Variants in KCNMB3 observed in about 807,000 individuals in gnomAD.
KCNMB3 encodes potassium calcium-activated channel subfamily M regulatory beta subunit 3.
In KCNMB3, 18 loss-of-function variants were observed where a neutral mutation model predicts 11.9. The observed-to-expected ratio is 1.51, with a 90% CI of 1.04 to 2.23. The LOEUF (loss-of-function observed/expected upper bound fraction) is 2.23. Ranked by LOEUF, KCNMB3 falls within the 30% of genes most tolerant of loss-of-function variation. The pLI is 0.00. For missense variants in KCNMB3, 247 were observed against 329.4 expected, an observed-to-expected ratio of 0.75 and a Z score of 1.94; for synonymous variants, 78 against 119.2, an observed-to-expected ratio of 0.65 and a Z score of 2.25.
At chr3:179,261,369 C>T in intron 1 of KCNMB3, 1 of 1,132,042 alleles carries the variant, frequency 8.8e-7, no homozygotes, top group Non-Finnish European at 1.1e-6. Context: ...CGCGCTCTGT[C>T]CGCGGAGACG....
Position 179,245,667 on chromosome 3 carries a change from T to C in KCNMB3, c.249-974A>G, listed in dbSNP as rs575305188. 1.0e-3 allele frequency among the ~76,000 whole-genome samples: 153 copies of C among 150,554 alleles called. 1 individual carries two copies. Among genetic ancestry groups the C allele is most frequent in the Non-Finnish European group, 1.6e-3 (108 of 67,686 alleles). On this transcript the variant is annotated intron_variant, in intron 1 of 2. Transcript: ENST00000392685. ...GGTGCGCACCATCACGCCCAGCTAA[T>C]TTTTTGTATTTTTAGTAGAGATGGG...
chr3:179,251,215 A>G, upstream of KCNMB3: 1 of 1,565,128 alleles, frequency 6.4e-7, no homozygotes, highest in South Asian at 1.2e-5. Flanking sequence ...ATCAATAACT[A>G]GAGAATGTTG....
At chr3:179,258,179 C>A (rs74899169) in intron 1 of KCNMB3, among the ~76,000 whole-genome samples, 220 of 152,288 alleles carry the variant, frequency 1.4e-3, no homozygotes, top group African/African-American at 5.0e-3. Flanking sequence ...AGCCACCACA[C>A]CCGGCCAAAA....
In KCNMB3 at chr3:179,266,593, C is replaced by G. The variant is rs1334808753; in HGVS notation, c.62+56G>C. On this transcript the variant is annotated intron_variant, in intron 1 of 3. Coordinates refer to the KCNMB3 transcript ENST00000349697. ...AAGCTCGAGATGTCCCCTCTTCTTG[C>G]AACTGCTTGTTCAGCCAGATTCCCA... 3.7e-6 allele frequency: 6 copies of G among 1,602,064 alleles called. No homozygotes were observed. The Admixed American group carries it at 6.7e-5, about 18-fold the overall frequency.
At chr3:179,242,674 C>T, downstream of KCNMB3, 2 of 677,608 alleles carry the variant, frequency 3.0e-6, no homozygotes, top group Non-Finnish European at 2.1e-6. Flanking sequence ...AAAAACAGTG[C>T]TTCCTTAGCT....
intron 1 of KCNMB3, among the ~76,000 whole-genome samples, chr3:179,261,530 G>T (rs924045869): frequency 6.6e-6 from 1 of 151,982 alleles, no homozygotes; most frequent in African/African-American, 2.4e-5. Context: ...GAATGGCGCG[G>T]GGGAAGCGGG....
upstream of KCNMB3, among the ~76,000 whole-genome samples, chr3:179,252,023 TTTA>T (rs1452810221): frequency 2.0e-5 from 3 of 152,102 alleles, no homozygotes; most frequent in African/African-American, 4.8e-5. Context: ...CCCGGCCTGG[TTTA>T]TTATTATTTT....
At chr3:179,251,419 C>A, upstream of KCNMB3, 9 of 1,425,880 alleles carry the variant, frequency 6.3e-6, no homozygotes, top group Non-Finnish European at 8.2e-6. Flanking sequence ...AGCATATCCA[C>A]CACCAGAATT....
At chr3:179,259,055 C>T (rs1471026557) in intron 1 of KCNMB3, 8 of 1,611,842 alleles carry the variant, frequency 5.0e-6, no homozygotes, top group Non-Finnish European at 2.5e-6. Context: ...TTTTGCCCTT[C>T]TCGTTCCCTC....
At chr3:179,261,206 G>A (rs531072846) in intron 1 of KCNMB3, 17 of 1,351,816 alleles carry the variant, frequency 1.3e-5, no homozygotes, top group Non-Finnish European at 1.6e-5. Flanking sequence ...CCGGGCCTCC[G>A]CCAGCCTCTG....
chr3:179,248,065 T>G (rs1183500220), intron 1 of KCNMB3, among the ~76,000 whole-genome samples: 1 of 152,088 alleles, frequency 6.6e-6, no homozygotes, highest in Non-Finnish European at 1.5e-5. Flanking sequence ...CAAAATTAAA[T>G]AGCCCCTCCC....
intron 1 of KCNMB3, chr3:179,260,184 G>A: frequency 1.2e-6 from 2 of 1,612,826 alleles, no homozygotes; most frequent in Non-Finnish European, 1.7e-6. Flanking sequence ...CACATTCTCT[G>A]TGTGGCTCCC....
chr3:179,250,767 GT>G lies in KCNMB3; in HGVS notation c.223del (p.Thr75ProfsTer3). 6.2e-7 allele frequency: 1 copy of G among 1,614,162 alleles called. No individual in the cohort carries two copies. The highest frequency in any genetic ancestry group is 8.5e-7 in the Non-Finnish European group (1 of 1,180,034). On this transcript the variant is annotated frameshift_variant, in exon 1 of 3. Transcript: ENST00000392685. LOFTEE classifies it high-confidence loss of function. ...SVLMFFLLGT[T>X]ILKPFMLSIQ... ...CCTGAGCATAAAAGGCTTTAGAATG[GT>G]TGTTCCGAGCAAGAAGAACATTAGG...
intron 1 of KCNMB3, among the ~76,000 whole-genome samples, chr3:179,249,354 A>G (rs759450634): frequency 1.3e-5 from 2 of 150,420 alleles, no homozygotes; most frequent in Non-Finnish European, 1.5e-5. Flanking sequence ...AGCTAGAGAA[A>G]AGAAAATGTT....
chr3:179,243,934 CAA>C (rs1725548629), intron 2 of KCNMB3, among the ~76,000 whole-genome samples: 1 of 152,104 alleles, frequency 6.6e-6, no homozygotes, highest in Non-Finnish European at 1.5e-5. Flanking sequence ...AAACAGAAAA[CAA>C]AAGTCATCGG....
At chr3:179,266,256 C>T (rs1316538105) in intron 1 of KCNMB3, among the ~76,000 whole-genome samples, 2 of 152,146 alleles carry the variant, frequency 1.3e-5, no homozygotes, top group African/African-American at 4.8e-5. Context: ...AAGTGGTGAG[C>T]TGGGTTTGAA....
intron 1 of KCNMB3, among the ~76,000 whole-genome samples, chr3:179,262,008 C>T (rs1347813498): frequency 6.6e-6 from 1 of 152,138 alleles, no homozygotes; most frequent in Non-Finnish European, 1.5e-5. Flanking sequence ...TGATTAAAGG[C>T]TCAATTCACA....
intron 1 of KCNMB3, chr3:179,260,514 G>A (rs538778947): frequency 1.2e-6 from 2 of 1,603,126 alleles, no homozygotes; most frequent in Non-Finnish European, 8.5e-7. Flanking sequence ...CCCCACATTC[G>A]CCACGATTTC....
At chr3:179,260,233 G>A in intron 1 of KCNMB3, 6 of 1,613,952 alleles carry the variant, frequency 3.7e-6, no homozygotes, top group Non-Finnish European at 5.1e-6. Flanking sequence ...GGCTCAAGGG[G>A]AGTTCTGGTC....
Sources: gnomAD v4.1 joint callset for allele counts (sites outside exome capture counted in the v4.1 genomes callset) on GRCh38, gnomAD v4.1.1 for gene constraint, MANE v1.5 for transcripts, NCBI Gene and HGNC (gene_info 2026-07-23, HGNC 2026-07-21) for gene names.